The following KCNC2 variants were observed in gnomAD, a reference collection of about 807,000 sequenced individuals.
KCNC2 encodes the protein voltage-gated potassium channel KCNC2.
A neutral mutation model predicts 44.5 loss-of-function variants in KCNC2; 21 were observed. The observed-to-expected ratio is 0.47, with a 90% CI of 0.33 to 0.68. The LOEUF is 0.68. KCNC2 is among the 30% of genes least tolerant of loss of function. The pLI is 0.01. For synonymous variants in KCNC2, 391 were observed against 339.1 expected (o/e 1.15, Z -1.68); for missense variants, 589 against 826.2 (o/e 0.71, Z 3.52).
intron 2 of KCNC2, among the ~76,000 whole-genome samples, chr12:75,052,415 T>G (rs1881276037): frequency 6.6e-6 from 1 of 152,114 alleles, no homozygotes; most frequent in Non-Finnish European, 1.5e-5. Flanking sequence ...CTTCTTAATA[T>G]TAAAGATCTG....
intron 2 of KCNC2, among the ~76,000 whole-genome samples, chr12:75,120,356 C>A (rs536167463): frequency 1.3e-5 from 2 of 152,316 alleles, no homozygotes; most frequent in African/African-American, 4.8e-5. Context: ...GGCCTTGAAC[C>A]AGGAGTCATA....
intron 2 of KCNC2, among the ~76,000 whole-genome samples, chr12:75,067,877 CA>C (rs371485292): frequency 2.1e-4 from 31 of 144,378 alleles, no homozygotes; most frequent in South Asian, 6.6e-4. Context: ...ACTCTTAGGG[CA>C]AAAAAAAAAC....
chr12:75,192,938 G>A (rs2030427015), intron 2 of KCNC2, among the ~76,000 whole-genome samples: 1 of 152,124 alleles, frequency 6.6e-6, no homozygotes, highest in Non-Finnish European at 1.5e-5. Context: ...AAAAGTATGT[G>A]AGGTGAGAAA....
chr12:75,153,652 C>CA (rs199974377), intron 2 of KCNC2, among the ~76,000 whole-genome samples: 9,275 of 147,164 alleles, frequency 0.063, 375 homozygotes, highest in East Asian at 0.14. Flanking sequence ...TATGTTTCTG[C>CA]AAAAAAAAAT....
intron 2 of KCNC2, among the ~76,000 whole-genome samples, chr12:75,075,363 C>A (rs1449927148): frequency 6.6e-6 from 1 of 151,264 alleles, no homozygotes; most frequent in East Asian, 1.9e-4. Flanking sequence ...AAAAAAATAC[C>A]CCTTAAGGAG....
At position 75,042,870 on chromosome 12, in the gene KCNC2, A is replaced by G; in HGVS notation, c.*235T>C. On this transcript the variant is annotated 3_prime_UTR_variant, in exon 5 of 5. Coordinates refer to ENST00000549446, the MANE Select transcript of KCNC2 (RefSeq NM_139137.4). The stretch of plus-strand genomic sequence containing the variant: ...CTATCTGTCATTTTATTGCAAAAGG[A>G]TATCAGGGCAATTAATAGGAGGGAT... 1 of 1,316,830 alleles carries G rather than the reference A, an allele frequency of 7.6e-7. No individual in the cohort carries two copies. The highest frequency in any genetic ancestry group is 9.7e-7 in the Non-Finnish European group (1 of 1,034,752). The allele number at this position is 1,316,830 out of a possible 1,614,324, so 81.6% of individuals were successfully genotyped here.
intron 2 of KCNC2, among the ~76,000 whole-genome samples, chr12:75,183,858 C>T (rs1892761034): frequency 6.6e-6 from 1 of 152,212 alleles, no homozygotes. Context: ...GGGTCCTCCA[C>T]AATCTCCATC....
chr12:75,130,437 C>T (rs1170967342), intron 2 of KCNC2, among the ~76,000 whole-genome samples: 1 of 152,030 alleles, frequency 6.6e-6, no homozygotes, highest in Non-Finnish European at 1.5e-5. Context: ...CTACATAACA[C>T]AACACAACAT....
At chr12:75,068,375 AG>A (rs1397763070) in intron 2 of KCNC2, among the ~76,000 whole-genome samples, 1 of 152,246 alleles carries the variant, frequency 6.6e-6, no homozygotes, top group Non-Finnish European at 1.5e-5. Flanking sequence ...CAGCGAAGCA[AG>A]AGAAGACAAG....
In KCNC2 at chr12:75,041,249, T is replaced by C; in HGVS notation, c.*1856A>G. 1 of 1,587,852 alleles carries C rather than the reference T, an allele frequency of 6.3e-7. No homozygotes were observed. Among genetic ancestry groups the C allele is most frequent in the Non-Finnish European group, 8.5e-7 (1 of 1,173,590 alleles). ...AGCACCAGACAGCATATTAATTCTT[T>C]TACCATAAATTTGTGTGTAATTATA... On this transcript the variant is annotated 3_prime_UTR_variant, in exon 5 of 5. Transcript: ENST00000549446.
intron 2 of KCNC2, among the ~76,000 whole-genome samples, chr12:75,060,640 AT>A (rs943399784): frequency 1.9e-4 from 28 of 150,178 alleles, no homozygotes; most frequent in African/African-American, 6.4e-4. Context: ...TAATTTTTGT[AT>A]TTTTTTTTAA....
chr12:75,165,423 G>A (rs1468230075), intron 2 of KCNC2, among the ~76,000 whole-genome samples: 1 of 151,254 alleles, frequency 6.6e-6, no homozygotes, highest in Non-Finnish European at 1.5e-5. Flanking sequence ...CATGTAATAG[G>A]CAATTAATTG....
intron 2 of KCNC2, among the ~76,000 whole-genome samples, chr12:75,082,170 A>T (rs1884574239): frequency 6.6e-6 from 1 of 151,886 alleles, no homozygotes; most frequent in Non-Finnish European, 1.5e-5. Context: ...TGCTATAGAA[A>T]CACAAAGTAC....
intron 2 of KCNC2, among the ~76,000 whole-genome samples, chr12:75,200,566 C>T (rs1188978991): frequency 2.0e-5 from 3 of 151,660 alleles, no homozygotes; most frequent in African/African-American, 4.8e-5. Context: ...GAGTATGTGT[C>T]TGTATTACAA....
chr12:75,155,753 G>T (rs559559360), intron 2 of KCNC2, among the ~76,000 whole-genome samples: 1 of 151,102 alleles, frequency 6.6e-6, no homozygotes, highest in African/African-American at 2.4e-5. Flanking sequence ...AGCAGATGAA[G>T]AGCAGCAGAG....
chr12:75,119,585 G>A (rs1340587376), intron 2 of KCNC2, among the ~76,000 whole-genome samples: 3 of 152,132 alleles, frequency 2.0e-5, no homozygotes, highest in African/African-American at 4.8e-5. Flanking sequence ...CAACTTTCAA[G>A]GTCATGTTAC....
chr12:75,196,427 C>A (rs554144182), intron 2 of KCNC2, among the ~76,000 whole-genome samples: 1 of 152,014 alleles, frequency 6.6e-6, no homozygotes, highest in East Asian at 1.9e-4. Flanking sequence ...CTACTATAAA[C>A]GCCTCACCTC....
At chr12:75,102,291 A>G (rs1886429894) in intron 2 of KCNC2, among the ~76,000 whole-genome samples, 1 of 152,084 alleles carries the variant, frequency 6.6e-6, no homozygotes, top group African/African-American at 2.4e-5. Context: ...GGACAAAAAG[A>G]GAGAATCATG....
intron 2 of KCNC2, among the ~76,000 whole-genome samples, chr12:75,059,853 T>C (rs1882131539): frequency 6.6e-6 from 1 of 152,148 alleles, no homozygotes; most frequent in Non-Finnish European, 1.5e-5. Flanking sequence ...ACAATAATCA[T>C]AAATATCTAG....
Sources: gnomAD v4.1 joint callset for allele counts (sites outside exome capture counted in the v4.1 genomes callset) on GRCh38, gnomAD v4.1.1 for gene constraint, MANE v1.5 for transcripts, NCBI Gene and HGNC (gene_info 2026-07-23, HGNC 2026-07-21) for gene names.